Variants in EFCAB11 observed in about 807,000 individuals in gnomAD.
EFCAB11 encodes EF-hand calcium binding domain 11.
In EFCAB11, 14 loss-of-function variants were observed where a neutral mutation model predicts 23.0. The ratio of observed to expected loss-of-function variants is 0.61; its 90% CI spans 0.40 to 0.95. The LOEUF is 0.95. Ranked by LOEUF, EFCAB11 falls within the 40% of genes least tolerant of loss-of-function variation. EFCAB11 has a pLI of 0.00. For missense variants in EFCAB11, 198 were observed against 195.8 expected (o/e 1.01, Z -0.07); for synonymous variants, 65 against 66.6 (o/e 0.98, Z 0.11).
intron 5 of EFCAB11, among the ~76,000 whole-genome samples, chr14:89,828,284 C>T (rs1019690041): frequency 7.9e-5 from 12 of 152,060 alleles, no homozygotes; most frequent in African/African-American, 1.2e-4. Context: ...TGACTTTATA[C>T]GTTTTAATTT....
chr14:89,889,624 C>G (rs1888899721), intron 5 of EFCAB11, among the ~76,000 whole-genome samples: 1 of 152,388 alleles, frequency 6.6e-6, no homozygotes, highest in South Asian at 2.1e-4. Flanking sequence ...GAGTTGATCA[C>G]TGTGCTTAAA....
intron 2 of EFCAB11, chr14:89,952,242 C>T (rs1891196254): frequency 3.4e-6 from 1 of 296,058 alleles, no homozygotes; most frequent in Non-Finnish European, 5.0e-6. Flanking sequence ...TAGAAAACCT[C>T]ACCTCAATAT....
chr14:89,854,332 C>A (rs969932095), intron 5 of EFCAB11, among the ~76,000 whole-genome samples: 5 of 152,084 alleles, frequency 3.3e-5, no homozygotes, highest in Admixed American at 1.3e-4. Context: ...GAGAGAGGTG[C>A]CCGCATCCTA....
intron 3 of EFCAB11, among the ~76,000 whole-genome samples, chr14:89,942,497 G>A (rs1436128349): frequency 1.3e-5 from 2 of 152,068 alleles, no homozygotes; most frequent in Admixed American, 1.3e-4. Context: ...TCTTCTAGTT[G>A]CAAGCTTCTT....
At chr14:89,899,657 A>AT (rs1402107967) in intron 5 of EFCAB11, among the ~76,000 whole-genome samples, 1 of 152,210 alleles carries the variant, frequency 6.6e-6, no homozygotes, top group Admixed American at 6.5e-5. Flanking sequence ...ACTATGCAAT[A>AT]TTTTTTATGT....
intron 5 of EFCAB11, chr14:89,931,252 A>G (rs1211631804): frequency 5.9e-6 from 2 of 336,226 alleles, no homozygotes; most frequent in Non-Finnish European, 1.1e-5. Context: ...ACACGTAAGT[A>G]TCTGAAGAAG....
At chr14:89,838,058 G>T (rs1596393291) in intron 5 of EFCAB11, among the ~76,000 whole-genome samples, 1 of 152,302 alleles carries the variant, frequency 6.6e-6, no homozygotes, top group East Asian at 1.9e-4. Flanking sequence ...TCATAGGCCT[G>T]GGGTTGAGAC....
chr14:89,932,548 G>T lies in EFCAB11; in HGVS notation c.297C>A (p.Ile99=). ...TACAGTAGGTGTCAAAGGCTGTGAA[G>T]ATGTGTCTTACTTCGTTCCGATATC... The part of the protein sequence containing the change: ...AQRYRNEVRH[I]FTAFDTYYRG... The change falls in exon 4 of 6, where the codon ATC becomes ATA. Residue 99 remains isoleucine (I), a synonymous_variant. Coordinates refer to ENST00000316738, the MANE Select transcript of EFCAB11 (RefSeq NM_145231.4). The T allele has an allele frequency of 6.2e-7, 1 of 1,613,728 alleles. No individual in the cohort carries two copies. The highest frequency in any genetic ancestry group is 2.2e-5 in the East Asian group (1 of 44,810).
intron 2 of EFCAB11, among the ~76,000 whole-genome samples, chr14:89,951,568 A>G (rs1042076476): frequency 2.6e-5 from 4 of 152,086 alleles, no homozygotes; most frequent in African/African-American, 9.7e-5. Flanking sequence ...TCTTTATATC[A>G]CTAGCAACTA....
chr14:89,801,378 G>A (rs1408045933), intron 5 of EFCAB11, among the ~76,000 whole-genome samples: 2 of 152,164 alleles, frequency 1.3e-5, no homozygotes, highest in Non-Finnish European at 2.9e-5. Flanking sequence ...GTCAGGAGAT[G>A]AGCTCTGTCT....
intron 5 of EFCAB11, among the ~76,000 whole-genome samples, chr14:89,832,562 C>T (rs1220132877): frequency 1.3e-5 from 2 of 152,140 alleles, no homozygotes; most frequent in Non-Finnish European, 2.9e-5. Flanking sequence ...CTGGGCTCAG[C>T]ACTATACAGA....
intron 5 of EFCAB11, among the ~76,000 whole-genome samples, chr14:89,822,294 A>G (rs1382422306): frequency 6.6e-6 from 1 of 152,246 alleles, no homozygotes; most frequent in African/African-American, 2.4e-5. Flanking sequence ...AAGTTTATAT[A>G]TGTATTATTA....
At position 89,909,555 on chromosome 14, in the gene EFCAB11, T is replaced by G. The variant is rs182111857; in HGVS notation, c.410+21986A>C. Reference sequence around the variant, plus strand: ...GAGATCGCGCCATTGCACTTCAGCCTGGGCGACAGGGCAAGACTCTGTCTC... The same window carrying G: ...GAGATCGCGCCATTGCACTTCAGCCGGGGCGACAGGGCAAGACTCTGTCTC... On this transcript the variant is annotated intron_variant, in intron 5 of 5. Coordinates refer to ENST00000316738, the MANE Select transcript of EFCAB11 (RefSeq NM_145231.4). 3.6e-3 allele frequency among the ~76,000 whole-genome samples: 542 copies of G among 152,284 alleles called. 3 individuals are homozygous for G. The highest frequency in any genetic ancestry group is 0.012 in the African/African-American group (493 of 41,554).
At chr14:89,835,164 G>C (rs528822984) in intron 5 of EFCAB11, among the ~76,000 whole-genome samples, 117 of 152,348 alleles carry the variant, frequency 7.7e-4, no homozygotes, top group Non-Finnish European at 1.3e-3. Context: ...AGGTTTGAAA[G>C]TGCTTCTGTG....
At chr14:89,827,092 A>C (rs897542815) in intron 5 of EFCAB11, among the ~76,000 whole-genome samples, 1 of 152,222 alleles carries the variant, frequency 6.6e-6, no homozygotes, top group African/African-American at 2.4e-5. Flanking sequence ...TAGGTTAGAC[A>C]GGTATTGAAG....
intron 5 of EFCAB11, among the ~76,000 whole-genome samples, chr14:89,886,171 G>A (rs1888765803): frequency 6.6e-6 from 1 of 152,250 alleles, no homozygotes; most frequent in East Asian, 1.9e-4. Context: ...GGACCTACAT[G>A]TTTTCTCTTA....
intron 5 of EFCAB11, among the ~76,000 whole-genome samples, chr14:89,908,458 A>G (rs1256178179): frequency 6.6e-6 from 1 of 152,226 alleles, no homozygotes; most frequent in Non-Finnish European, 1.5e-5. Context: ...TTCCATACAT[A>G]AGTATTTAAG....
At chr14:89,891,268 A>G (rs902837525) in intron 5 of EFCAB11, among the ~76,000 whole-genome samples, 1 of 152,258 alleles carries the variant, frequency 6.6e-6, no homozygotes, top group African/African-American at 2.4e-5. Flanking sequence ...AACCAGCAGA[A>G]GCAGACATAA....
intron 5 of EFCAB11, among the ~76,000 whole-genome samples, chr14:89,803,652 C>T (rs1159697955): frequency 6.6e-6 from 1 of 152,072 alleles, no homozygotes; most frequent in Non-Finnish European, 1.5e-5. Flanking sequence ...TCAAAACTGC[C>T]ACTACATTAG....
Sources: allele counts gnomAD v4.1 joint callset (sites outside exome capture counted in the v4.1 genomes callset), GRCh38; gene constraint gnomAD v4.1.1; transcripts MANE v1.5; gene names NCBI Gene and HGNC (gene_info 2026-07-23, HGNC 2026-07-21).